Variants in LCOR observed in about 807,000 individuals in gnomAD.
The protein encoded by LCOR is ligand dependent nuclear receptor corepressor.
LCOR carries 14 observed loss-of-function variants against 64.4 expected under a neutral mutation model. The observed-to-expected ratio is 0.22, with a 90% CI of 0.14 to 0.34. The LOEUF is 0.34. Among genes scored for constraint, LCOR ranks in the 10% least tolerant of loss-of-function variants. LCOR has a pLI of 1.00. For missense variants in LCOR, 1,686 were observed against 1,765.3 expected (o/e 0.96, Z 0.80); for synonymous variants, 643 against 642.5 (o/e 1.00, Z -0.01).
At position 96,956,598 on chromosome 10, in the gene LCOR, G is replaced by T. The variant is rs1456940994; in HGVS notation, c.332+4402G>T. 3.0e-6 allele frequency: 3 copies of T among 985,564 alleles called. No individual in the cohort carries two copies. The African/African-American group carries it at 5.2e-5, about 17-fold the overall frequency. 61.1% of individuals were successfully genotyped at this position (985,564 alleles called of 1,614,324 possible). On this transcript the variant is annotated intron_variant, in intron 7 of 7. Transcript: ENST00000421806. ...CAGAGGGGAAGGTGGTGGAAAATGT[G>T]CACACACTACCTTCAGAAATGCTTC...
chr10:96,871,963 C>G (rs377761735), intron 2 of LCOR, among the ~76,000 whole-genome samples: 11 of 152,194 alleles, frequency 7.2e-5, no homozygotes, highest in African/African-American at 2.7e-4. Context: ...GTCTTCAGTT[C>G]ATCTTCTCCC....
intron 2 of LCOR, among the ~76,000 whole-genome samples, chr10:96,871,268 G>A (rs1400692822): frequency 6.6e-6 from 1 of 151,290 alleles, no homozygotes; most frequent in Non-Finnish European, 1.5e-5. Flanking sequence ...TGTTGCCCAG[G>A]CTAGTCTCAA....
At chr10:96,891,427 CA>C (rs1490354557) in intron 2 of LCOR, among the ~76,000 whole-genome samples, 1 of 131,762 alleles carries the variant, frequency 7.6e-6, no homozygotes, top group African/African-American at 2.9e-5. Context: ...AAAGGTTTGT[CA>C]ATATTGATTT....
At chr10:96,862,874 TTTTC>T (rs1845910303) in intron 2 of LCOR, among the ~76,000 whole-genome samples, 1 of 151,240 alleles carries the variant, frequency 6.6e-6, no homozygotes, top group South Asian at 2.1e-4. Context: ...GTTTTCTTTC[TTTTC>T]TTTTCTTTTT....
At chr10:96,861,922 C>G (rs578222257) in intron 2 of LCOR, among the ~76,000 whole-genome samples, 2 of 152,250 alleles carry the variant, frequency 1.3e-5, no homozygotes, top group South Asian at 4.1e-4. Flanking sequence ...TAAGACTGAC[C>G]CTCCTCCTTC....
At chr10:96,957,606 G>A in intron 7 of LCOR, 5 of 985,296 alleles carry the variant, frequency 5.1e-6, no homozygotes, top group Non-Finnish European at 1.2e-6. Flanking sequence ...TTGGAGGGTT[G>A]GTTAGATTGA....
Position 96,990,208 on chromosome 10 carries a change from C to T in LCOR, c.*5074C>T, listed in dbSNP as rs1003586167. On this transcript the variant is annotated 3_prime_UTR_variant, in exon 8 of 8. Coordinates refer to ENST00000421806, the MANE Select transcript of LCOR (RefSeq NM_001346516.2). The stretch of plus-strand genomic sequence containing the variant: ...CCCCAGACAGGGTCTCACTCTGTCG[C>T]CCCAGGCTGGAGTGCAATGGGCATA... The T allele has an allele frequency of 1.3e-5, 2 of 152,098 alleles. No homozygotes were observed. The highest frequency in any genetic ancestry group is 4.8e-5 in the African/African-American group (2 of 41,416). The allele number at this position is 152,098 out of a possible 1,614,324, so 9.4% of individuals were successfully genotyped here.
intron 2 of LCOR, among the ~76,000 whole-genome samples, chr10:96,857,156 A>T (rs1426247718): frequency 1.3e-5 from 2 of 152,160 alleles, no homozygotes; most frequent in African/African-American, 4.8e-5. Context: ...AGTTATTTCT[A>T]TCTCACAAGA....
intron 5 of LCOR, 31 bp downstream of exon 5, chr10:96,944,276 C>A: frequency 1.0e-6 from 1 of 976,894 alleles, no homozygotes; most frequent in Non-Finnish European, 1.2e-6. Context: ...TATTTAGCAT[C>A]TGCTTGTCTT....
intron 4 of LCOR, among the ~76,000 whole-genome samples, chr10:96,936,730 C>T (rs1055167687): frequency 1.3e-5 from 2 of 149,210 alleles, no homozygotes; most frequent in Non-Finnish European, 2.9e-5. Context: ...CATGAATCCA[C>T]CCCTGGTACC....
intron 7 of LCOR, among the ~76,000 whole-genome samples, chr10:96,974,287 T>C (rs892290125): frequency 1.3e-5 from 2 of 152,206 alleles, no homozygotes; most frequent in Non-Finnish European, 2.9e-5. Flanking sequence ...GGAAATCCAG[T>C]TTTTTCTTTT....
rs188152853 is a variant in LCOR at position 96,933,155 on chromosome 10, A to G, written c.-183-10958A>G. Among the ~76,000 whole-genome samples, 33 of 152,328 alleles carry G rather than the reference A, an allele frequency of 2.2e-4. 1 individual carries two copies. The highest frequency in any genetic ancestry group is 7.9e-4 in the African/African-American group (33 of 41,584). ...AGTCTCATTTAATTTTTTTAAGTTA[A>G]TATGTCTGCGTATGTGTTTTTTAGG... On this transcript the variant is annotated intron_variant, in intron 4 of 7. Coordinates refer to ENST00000421806, the MANE Select transcript of LCOR (RefSeq NM_001346516.2).
intron 4 of LCOR, among the ~76,000 whole-genome samples, chr10:96,941,287 C>A (rs1847467088): frequency 7.2e-6 from 1 of 138,856 alleles, no homozygotes; most frequent in Admixed American, 7.0e-5. Flanking sequence ...AGGCGGGGGG[C>A]TGATCCCCCC....
At chr10:96,960,718 G>C (rs1847865624) in intron 7 of LCOR, 1 of 152,154 alleles carries the variant, frequency 6.6e-6, no homozygotes, top group African/African-American at 2.4e-5. Flanking sequence ...GGCTTCAGCA[G>C]AACAGCCCGT....
rs372702432 is a variant in LCOR, at chr10:96,906,933, G to C, written c.-329-332G>C. Among the ~76,000 whole-genome samples, 13 of 152,292 alleles carry C rather than the reference G, an allele frequency of 8.5e-5. No individual in the cohort carries two copies. In the East Asian group the frequency reaches 1.9e-3, roughly 23 times the overall value. On this transcript the variant is annotated intron_variant, in intron 2 of 7. Coordinates refer to ENST00000421806, the MANE Select transcript of LCOR (RefSeq NM_001346516.2). Reference sequence around the variant, plus strand: ...TGAAGCAGTTTTTGACTCATTCATTGAGAAAAGTACCTTTTAAAATGGAGC... The same window carrying C: ...TGAAGCAGTTTTTGACTCATTCATTCAGAAAAGTACCTTTTAAAATGGAGC...
At chr10:96,920,674 A>G (rs1308719466) in intron 4 of LCOR, among the ~76,000 whole-genome samples, 2 of 144,620 alleles carry the variant, frequency 1.4e-5, no homozygotes, top group Admixed American at 6.8e-5. Context: ...ATATATGTAT[A>G]TATTCATATA....
chr10:96,872,069 G>A (rs1286678832), intron 2 of LCOR, among the ~76,000 whole-genome samples: 1 of 152,178 alleles, frequency 6.6e-6, no homozygotes, highest in Non-Finnish European at 1.5e-5. Context: ...CCTGAGATGA[G>A]TACTGTTCCT....
At chr10:96,841,573 C>T (rs1845542295) in intron 2 of LCOR, among the ~76,000 whole-genome samples, 1 of 151,928 alleles carries the variant, frequency 6.6e-6, no homozygotes, top group African/African-American at 2.4e-5. Context: ...GTTGGCCAGG[C>T]TGGTCTCGAA....
At position 96,984,498 on chromosome 10, in the gene LCOR, T is replaced by C. The variant is rs1267161091; in HGVS notation, c.4038T>C (p.Arg1346=). The part of the protein sequence containing the change: ...DALAVESKPS[R]KSVCINPLMS... ...TGGCTGTGGAAAGTAAGCCAAGTCG[T>C]AAGAGCGTATGCATCAACCCTCTGA... Residue 1346 remains arginine, a synonymous_variant, in exon 8 of 8, where the codon CGT becomes CGC. Coordinates refer to ENST00000421806, the MANE Select transcript of LCOR (RefSeq NM_001346516.2). The C allele has an allele frequency of 6.2e-7, 1 of 1,614,044 alleles. No individual in the cohort carries two copies. The highest frequency in any genetic ancestry group is 8.5e-7 in the Non-Finnish European group (1 of 1,180,042).
Sources: allele counts gnomAD v4.1 joint callset (sites outside exome capture counted in the v4.1 genomes callset), GRCh38; gene constraint gnomAD v4.1.1; transcripts MANE v1.5; gene names NCBI Gene and HGNC (gene_info 2026-07-23, HGNC 2026-07-21).